The following COL24A1 variants were observed in gnomAD, a reference collection of about 807,000 sequenced individuals.
COL24A1 encodes collagen alpha-1(XXIV) chain.
Under a neutral mutation model 253.9 loss-of-function variants are expected in COL24A1, and 224 were observed. The observed-to-expected ratio is 0.88, with a 90% CI of 0.79 to 0.99. COL24A1 has a LOEUF of 0.99. Ranked by LOEUF, COL24A1 falls within the 50% of genes least tolerant of loss-of-function variation. The pLI is 0.00. For missense variants in COL24A1, 2,131 were observed against 2,068.5 expected (o/e 1.03, Z -0.59); for synonymous variants, 685 against 673.7 (o/e 1.02, Z -0.26).
chr1:85,974,874 T>C (rs1234163026), intron 20 of COL24A1, among the ~76,000 whole-genome samples: 2 of 152,178 alleles, frequency 1.3e-5, no homozygotes, highest in African/African-American at 2.4e-5. Context: ...ACCATCAGCA[T>C]CATAAGGTTG....
rs763267725 is a variant in COL24A1, at chr1:85,868,622, A to G, written c.3197T>C (p.Val1066Ala). 1.6e-5 allele frequency: 26 copies of G among 1,612,182 alleles called. No homozygotes were observed. The South Asian group carries it at 2.7e-4, about 17-fold the overall frequency. ...GLQGKDGLKG[V>A]PGGRGLPGED... ...TCCAGGAAGTCCCCTTCCTCCTGGTACTCCCTGTAATGCAATAAAAAAGTT... is the reference window on the plus strand; with the variant it reads ...TCCAGGAAGTCCCCTTCCTCCTGGTGCTCCCTGTAATGCAATAAAAAAGTT... The change falls in exon 37 of 60, where the codon GTA becomes GCA. Residue 1066 changes from valine (V) to alanine (A), a missense_variant. Transcript: ENST00000370571.
At chr1:85,997,436 C>T (rs147351157) in intron 19 of COL24A1, among the ~76,000 whole-genome samples, 1 of 152,092 alleles carries the variant, frequency 6.6e-6, no homozygotes, top group African/African-American at 2.4e-5. Flanking sequence ...GGAAAATGAC[C>T]TAAATCTTGC....
intron 19 of COL24A1, among the ~76,000 whole-genome samples, chr1:86,007,496 C>T (rs923234162): frequency 1.3e-5 from 2 of 152,132 alleles, no homozygotes; most frequent in Non-Finnish European, 2.9e-5. Context: ...AATTTATGTC[C>T]ACACAAAACC....
At chr1:85,840,143 T>C (rs1676440502) in intron 42 of COL24A1, among the ~76,000 whole-genome samples, 2 of 152,182 alleles carry the variant, frequency 1.3e-5, no homozygotes, top group South Asian at 4.1e-4. Flanking sequence ...ATTGTTATGC[T>C]AGTCTTTTAA....
rs1473857201 is a variant in COL24A1 at position 85,730,771 on chromosome 1, T to C, written c.4999-79A>G. The C allele has an allele frequency of 2.1e-6, 3 of 1,442,468 alleles. No homozygotes were observed. The African/African-American group carries it at 4.2e-5, about 20-fold the overall frequency. The allele number at this position is 1,442,468 out of a possible 1,614,324, so 89.4% of individuals were successfully genotyped here. A position where few individuals can be genotyped will look rare whatever the true frequency, so the allele number is the denominator to read the frequency against. ...AGTAGACAATGCCTTTCACAGATAA[T>C]GTGAACTTGTTTTAAGGATTAGAGA... is the stretch of plus-strand genomic sequence containing the variant. On this transcript the variant is annotated intron_variant, in intron 59 of 59. Transcript: ENST00000370571.
chr1:86,124,822 A>C (rs1254120046), intron 3 of COL24A1, 23 bp downstream of exon 3: 3 of 1,496,796 alleles, frequency 2.0e-6, no homozygotes, highest in African/African-American at 2.8e-5. Context: ...ATATTAGGAG[A>C]TATTAAAAAA....
At chr1:85,775,015 T>C (rs1251407287) in intron 53 of COL24A1, among the ~76,000 whole-genome samples, 3 of 152,230 alleles carry the variant, frequency 2.0e-5, no homozygotes, top group Admixed American at 6.5e-5. Context: ...TTTAGTGCTA[T>C]AAATTTCCCT....
At position 86,022,797 on chromosome 1, in the gene COL24A1, T is replaced by TA. The variant is rs751725869; in HGVS notation, c.2148+35dup. ...ACTGAAAAGTAAAAGACAAATGTGA[T>TA]AAAAATTATTTTTATAATATTAATA... is the stretch of plus-strand genomic sequence containing the variant. On this transcript the variant is annotated intron_variant, in intron 16 of 59. Transcript: ENST00000370571. 2.9e-6 allele frequency: 4 copies of TA among 1,365,532 alleles called. No individual in the cohort carries two copies. In the African/African-American group the frequency reaches 6.0e-5, roughly 20 times the overall value. 84.6% of individuals were successfully genotyped at this position (1,365,532 alleles called of 1,614,324 possible). A position where few individuals can be genotyped will look rare whatever the true frequency, so the allele number is the denominator to read the frequency against.
At chr1:85,980,094 C>A (rs539902118) in intron 20 of COL24A1, among the ~76,000 whole-genome samples, 2 of 152,262 alleles carry the variant, frequency 1.3e-5, no homozygotes, top group African/African-American at 4.8e-5. Context: ...ATCATATGAT[C>A]ATTTCAATAG....
chr1:85,857,240 G>A (rs909339965), intron 37 of COL24A1, among the ~76,000 whole-genome samples: 13 of 151,956 alleles, frequency 8.6e-5, no homozygotes, highest in East Asian at 1.9e-4. Flanking sequence ...GCTACTCTTC[G>A]ATTCCTATAT....
intron 43 of COL24A1, among the ~76,000 whole-genome samples, chr1:85,829,774 C>G (rs1674929537): frequency 6.6e-6 from 1 of 152,026 alleles, no homozygotes; most frequent in South Asian, 2.1e-4. Flanking sequence ...TCAGCTCCAT[C>G]AGCTCCTTTA....
intron 14 of COL24A1, among the ~76,000 whole-genome samples, chr1:86,028,468 C>A (rs1698252093): frequency 6.6e-6 from 1 of 150,872 alleles, no homozygotes; most frequent in African/African-American, 2.4e-5. Context: ...GTTTTATAAG[C>A]ATCTGGCATT....
At chr1:86,143,436 T>G (rs1405733957) in intron 2 of COL24A1, among the ~76,000 whole-genome samples, 1 of 152,076 alleles carries the variant, frequency 6.6e-6, no homozygotes, top group Non-Finnish European at 1.5e-5. Flanking sequence ...GCAATCTTGT[T>G]AATTCACAAG....
At chr1:85,836,614 T>C (rs1291924689) in intron 43 of COL24A1, among the ~76,000 whole-genome samples, 1 of 152,192 alleles carries the variant, frequency 6.6e-6, no homozygotes. Flanking sequence ...AAGGTGGATA[T>C]TTCATGATTT....
chr1:86,064,983 A>G (rs1701364061), intron 7 of COL24A1, among the ~76,000 whole-genome samples: 2 of 152,220 alleles, frequency 1.3e-5, no homozygotes, highest in African/African-American at 2.4e-5. Flanking sequence ...ACAAAATTCC[A>G]CAAGTAAAAA....
intron 53 of COL24A1, among the ~76,000 whole-genome samples, chr1:85,772,508 G>T (rs904920588): frequency 6.6e-6 from 1 of 151,788 alleles, no homozygotes; most frequent in Non-Finnish European, 1.5e-5. Flanking sequence ...ACATGCACAC[G>T]TATGTTTATT....
intron 5 of COL24A1, among the ~76,000 whole-genome samples, chr1:86,105,119 T>C (rs1704842354): frequency 6.6e-6 from 1 of 152,090 alleles, no homozygotes; most frequent in Non-Finnish European, 1.5e-5. Flanking sequence ...GTGGCAGTGT[T>C]GACACAGGGG....
At chr1:86,044,407 A>G (rs979186893) in intron 12 of COL24A1, among the ~76,000 whole-genome samples, 1 of 152,222 alleles carries the variant, frequency 6.6e-6, no homozygotes, top group African/African-American at 2.4e-5. Flanking sequence ...ATGATTTTAC[A>G]GTAAAAATGA....
intron 47 of COL24A1, among the ~76,000 whole-genome samples, chr1:85,788,023 A>G (rs1669866286): frequency 7.9e-6 from 1 of 126,696 alleles, no homozygotes; most frequent in Admixed American, 7.4e-5. Flanking sequence ...TGGCTGCATG[A>G]ATGTCTTCTT....
Sources: allele counts gnomAD v4.1 joint callset (sites outside exome capture counted in the v4.1 genomes callset), GRCh38; gene constraint gnomAD v4.1.1; transcripts MANE v1.5; gene names NCBI Gene and HGNC (gene_info 2026-07-23, HGNC 2026-07-21).